Variants in FBXL7 observed in about 807,000 individuals in gnomAD.
FBXL7 encodes the protein F-box/LRR-repeat protein 7.
A neutral mutation model predicts 38.3 loss-of-function variants in FBXL7; 12 were observed. That is an observed-to-expected ratio of 0.31 (90% CI 0.20 to 0.51). The LOEUF (loss-of-function observed/expected upper bound fraction) is 0.51, where lower values mean the gene tolerates loss of function less well. Ranked by LOEUF, FBXL7 falls within the 20% of genes least tolerant of loss-of-function variation. The pLI, the probability that FBXL7 is intolerant of heterozygous loss-of-function variation, is 0.98. For missense variants in FBXL7, 567 were observed against 676.4 expected (o/e 0.84, Z 1.79); for synonymous variants, 297 against 300.9 (o/e 0.99, Z 0.13).
intron 2 of FBXL7, among the ~76,000 whole-genome samples, chr5:15,679,685 AC>A (rs1437183473): frequency 6.6e-6 from 1 of 151,734 alleles, no homozygotes; most frequent in East Asian, 1.9e-4. Context: ...ATACTGGAGT[AC>A]CCCCCAAAAA....
intron 1 of FBXL7, among the ~76,000 whole-genome samples, chr5:15,556,324 G>A (rs1045657419): frequency 6.6e-6 from 1 of 152,016 alleles, no homozygotes; most frequent in African/African-American, 2.4e-5. Flanking sequence ...AGCCCAAGCA[G>A]CCAGGCATAG....
intron 1 of FBXL7, among the ~76,000 whole-genome samples, chr5:15,533,938 C>T (rs2126396165): frequency 1.3e-5 from 2 of 152,234 alleles, no homozygotes; most frequent in East Asian, 3.9e-4. Context: ...GTGGGAACAG[C>T]ACCTTTTTTT....
intron 2 of FBXL7, among the ~76,000 whole-genome samples, chr5:15,727,742 A>G (rs1735448135): frequency 1.3e-5 from 2 of 152,090 alleles, no homozygotes; most frequent in African/African-American, 4.8e-5. Context: ...AGGTTCTTAG[A>G]TATTTATATT....
At chr5:15,611,427 C>T (rs1580404990) in intron 1 of FBXL7, among the ~76,000 whole-genome samples, 1 of 150,608 alleles carries the variant, frequency 6.6e-6, no homozygotes. Flanking sequence ...GCTGTGATGT[C>T]GCCAATATGT....
At chr5:15,856,230 C>G (rs1261760794) in intron 2 of FBXL7, among the ~76,000 whole-genome samples, 2 of 152,082 alleles carry the variant, frequency 1.3e-5, no homozygotes. Context: ...GAGACTTATT[C>G]ACTATCACAA....
rs1025047122 is a variant in FBXL7, at chr5:15,724,821, G to A, written c.127+108749G>A. Among the ~76,000 whole-genome samples, 11 of 152,222 alleles carry A rather than the reference G, an allele frequency of 7.2e-5. No homozygotes were observed. The East Asian group carries it at 7.7e-4, about 11-fold the overall frequency. On this transcript the variant is annotated intron_variant, in intron 2 of 3. Coordinates refer to ENST00000504595, the MANE Select transcript of FBXL7 (RefSeq NM_012304.5). ...TATATTTATAAATGAGCTTGGATTC[G>A]TAGAGCAGTGGTTAGAAAACTTTGT... is the stretch of plus-strand genomic sequence containing the variant.
chr5:15,872,467 A>T (rs1740008828), intron 2 of FBXL7, among the ~76,000 whole-genome samples: 1 of 152,178 alleles, frequency 6.6e-6, no homozygotes, highest in South Asian at 2.1e-4. Flanking sequence ...AAATTCCCCA[A>T]TTAAAAGGCA....
At chr5:15,619,022 T>A (rs2964273) in intron 2 of FBXL7, among the ~76,000 whole-genome samples, 5 of 151,904 alleles carry the variant, frequency 3.3e-5, no homozygotes, top group African/African-American at 1.2e-4. Context: ...CATTTAACGG[T>A]GATCCTAGGA....
rs190302298 is a variant in FBXL7, at chr5:15,877,111, C to T, written c.128-50779C>T. 3.3e-5 allele frequency among the ~76,000 whole-genome samples: 5 copies of T among 152,292 alleles called. No individual in the cohort carries two copies. In the South Asian group the frequency reaches 1.0e-3, roughly 32 times the overall value. On this transcript the variant is annotated intron_variant, in intron 2 of 3. Transcript: ENST00000504595. ...TAGTTACTACCAAAGACAAATCAAA[C>T]CCCCAGCACACAGCATCCCATTTTT...
chr5:15,557,550 T>G (rs569552866), intron 1 of FBXL7, among the ~76,000 whole-genome samples: 6 of 152,232 alleles, frequency 3.9e-5, no homozygotes, highest in Non-Finnish European at 8.8e-5. Context: ...TTACACTGTT[T>G]CATAAAAAAG....
chr5:15,639,549 G>A (rs899657318), intron 2 of FBXL7, among the ~76,000 whole-genome samples: 15 of 151,884 alleles, frequency 9.9e-5, no homozygotes, highest in South Asian at 2.1e-4. Context: ...CCCCAGCCAC[G>A]TGGAACTGTG....
At chr5:15,560,282 A>G (rs1210143283) in intron 1 of FBXL7, among the ~76,000 whole-genome samples, 6 of 152,194 alleles carry the variant, frequency 3.9e-5, no homozygotes, top group Admixed American at 2.0e-4. Context: ...CTGCTTAAGT[A>G]GGGTGAGATT....
chr5:15,786,162 T>C (rs909737906), intron 2 of FBXL7, among the ~76,000 whole-genome samples: 3 of 152,222 alleles, frequency 2.0e-5, no homozygotes, highest in Admixed American at 1.3e-4. Flanking sequence ...CACTCCAGGA[T>C]AGGCGTTTCT....
intron 2 of FBXL7, among the ~76,000 whole-genome samples, chr5:15,898,051 C>T (rs1277648690): frequency 3.3e-5 from 5 of 152,194 alleles, no homozygotes; most frequent in Non-Finnish European, 7.3e-5. Flanking sequence ...CTTCCACCTC[C>T]TCCTCAATAC....
chr5:15,662,107 C>T (rs1372234763), intron 2 of FBXL7, among the ~76,000 whole-genome samples: 4 of 152,150 alleles, frequency 2.6e-5, no homozygotes, highest in African/African-American at 9.7e-5. Context: ...ATATTGCTTT[C>T]CTTAATGGTT....
At chr5:15,500,753 C>T in intron 1 of FBXL7, 40 bp downstream of exon 1, 1 of 1,595,134 alleles carries the variant, frequency 6.3e-7, no homozygotes, top group Non-Finnish European at 8.5e-7. Flanking sequence ...GGATCGCGTC[C>T]CTCCTCCCCT....
chr5:15,826,967 A>G lies in FBXL7; in HGVS notation c.128-100923A>G, dbSNP rs1055490813. Among the ~76,000 whole-genome samples the G allele has an allele frequency of 5.3e-5, 8 of 151,148 alleles. 1 individual carries two copies. The highest frequency in any genetic ancestry group is 3.9e-4 in the East Asian group (2 of 5,120). ...AATTTACACAAAGGATGATGGATCT[A>G]GCTACCTAATGATGATGAGAGACAA... On this transcript the variant is annotated intron_variant, in intron 2 of 3. Transcript: ENST00000504595.
intron 2 of FBXL7, among the ~76,000 whole-genome samples, chr5:15,626,543 C>CGTGT (rs1554010324): frequency 3.1e-4 from 32 of 103,668 alleles, no homozygotes; most frequent in African/African-American, 9.9e-4. Context: ...AAATTCGTTT[C>CGTGT]CTGTGTGTGT....
chr5:15,653,641 C>G (rs1741779276), intron 2 of FBXL7, among the ~76,000 whole-genome samples: 1 of 152,134 alleles, frequency 6.6e-6, no homozygotes, highest in Non-Finnish European at 1.5e-5. Context: ...ACCACTTAAG[C>G]TTTTGAGGAG....
Sources: gnomAD v4.1 joint callset for allele counts (sites outside exome capture counted in the v4.1 genomes callset) on GRCh38, gnomAD v4.1.1 for gene constraint, MANE v1.5 for transcripts, NCBI Gene and HGNC (gene_info 2026-07-23, HGNC 2026-07-21) for gene names.